Variants in AHI1 observed in about 807,000 individuals in gnomAD.
AHI1 encodes jouberin.
Under a neutral mutation model 149.3 loss-of-function variants are expected in AHI1, and 123 were observed. The ratio of observed to expected loss-of-function variants is 0.82; its 90% CI spans 0.71 to 0.96. AHI1 has a LOEUF of 0.96. AHI1 is among the 40% of genes least tolerant of loss of function. The pLI, the probability that AHI1 is intolerant of heterozygous loss-of-function variation, is 0.00. For missense variants in AHI1, 1,439 were observed against 1,422.7 expected, an observed-to-expected ratio of 1.01 and a Z score of -0.18; for synonymous variants, 475 against 459.8, an observed-to-expected ratio of 1.03 and a Z score of -0.42.
At chr6:135,465,245 T>C (rs1790554308) in intron 7 of AHI1, among the ~76,000 whole-genome samples, 1 of 152,148 alleles carries the variant, frequency 6.6e-6, no homozygotes, top group African/African-American at 2.4e-5. Context: ...TTTCTCCAAA[T>C]AGAAAACATA....
intron 26 of AHI1, chr6:135,300,934 T>C (rs1783798131): frequency 3.0e-6 from 3 of 993,180 alleles, no homozygotes; most frequent in Non-Finnish European, 3.6e-6. Flanking sequence ...TCATATTCTT[T>C]ATAGTATACT....
Position 135,429,886 on chromosome 6 carries a change from G to A in AHI1, c.2488C>T (p.Arg830Trp), listed in dbSNP as rs13312995. The change falls in exon 18 of 29, where the codon CGG becomes TGG. Residue 830 changes from arginine to tryptophan, a missense_variant. Arg to Trp is a moderately radical substitution (Grantham distance 101, BLOSUM62 -3). Transcript: ENST00000265602. ...KDSTLRIMDL[R>W]ILVARKFVGA... ...TCAACACTGAAATATACTTACATCC[G>A]GAGATCCATAATTCTCAAAGTACTG... The A allele has an allele frequency of 0.024, 36,280 of 1,524,050 alleles. 484 individuals are homozygous for A. The highest frequency in any genetic ancestry group is 0.036 in the Middle Eastern group (214 of 5,878). 94.4% of individuals were successfully genotyped at this position (1,524,050 alleles called of 1,614,324 possible).
intron 23 of AHI1, chr6:135,394,526 C>T (rs959185183): frequency 1.4e-5 from 6 of 440,188 alleles, no homozygotes; most frequent in Admixed American, 1.1e-4. Flanking sequence ...TTAAAACTCA[C>T]GTGTTTTGCT....
In AHI1 at chr6:135,433,226, A is replaced by G. The variant is rs775385442; in HGVS notation, c.2067T>C (p.Asn689=). 1.9e-6 allele frequency: 3 copies of G among 1,609,764 alleles called. No homozygotes were observed. The East Asian group carries it at 6.7e-5, about 36-fold the overall frequency. The change falls in exon 16 of 29, where the codon AAT becomes AAC. Residue 689 remains asparagine, a synonymous_variant. Coordinates refer to ENST00000265602, the MANE Select transcript of AHI1 (RefSeq NM_001134831.2). ...AAGGATGAGGTAAAACTCTGAAAGTATTTGTATTGTTTATTTCATTTTTCC... is the reference window on the plus strand; with the variant it reads ...AAGGATGAGGTAAAACTCTGAAAGTGTTTGTATTGTTTATTTCATTTTTCC... ...RIWKNEINNT[N]TFRVLPHPSF...
intron 23 of AHI1, among the ~76,000 whole-genome samples, chr6:135,359,793 T>C (rs1041870211): frequency 6.6e-6 from 1 of 152,118 alleles, no homozygotes; most frequent in Non-Finnish European, 1.5e-5. Context: ...AATTCTTATC[T>C]AAACAGAAAG....
chr6:135,432,037 C>T (rs1431831500), intron 16 of AHI1, among the ~76,000 whole-genome samples: 1 of 148,528 alleles, frequency 6.7e-6, no homozygotes, highest in Admixed American at 6.7e-5. Flanking sequence ...TATCGTATGG[C>T]CAAATAGTTG....
At chr6:135,321,618 T>C (rs2064430) in intron 25 of AHI1, among the ~76,000 whole-genome samples, 82,199 of 151,952 alleles carry the variant, frequency 0.54, 22,326 homozygotes, top group Middle Eastern at 0.64. Flanking sequence ...TCTTTGGCTG[T>C]CAAAATTGAA....
intron 25 of AHI1, among the ~76,000 whole-genome samples, chr6:135,322,395 G>A (rs964425894): frequency 1.1e-4 from 16 of 151,984 alleles, no homozygotes; most frequent in Non-Finnish European, 2.4e-4. Context: ...GGCTCTCTGC[G>A]TTCGTTCTGT....
intron 23 of AHI1, among the ~76,000 whole-genome samples, chr6:135,379,681 A>G (rs541929951): frequency 6.6e-6 from 1 of 152,230 alleles, no homozygotes; most frequent in East Asian, 1.9e-4. Context: ...CATTCCTACA[A>G]GGTTCTGTAC....
chr6:135,432,341 T>C (rs529751946), intron 16 of AHI1, among the ~76,000 whole-genome samples: 1 of 152,322 alleles, frequency 6.6e-6, no homozygotes, highest in South Asian at 2.1e-4. Context: ...GTTTTACATC[T>C]TTAAAACATA....
At chr6:135,332,042 A>G (rs1169443565) in intron 24 of AHI1, among the ~76,000 whole-genome samples, 1 of 148,700 alleles carries the variant, frequency 6.7e-6, no homozygotes, top group African/African-American at 2.5e-5. Flanking sequence ...CTGGCATGCC[A>G]TTACTTGATA....
chr6:135,389,540 A>G (rs1778159621), intron 23 of AHI1, among the ~76,000 whole-genome samples: 1 of 152,164 alleles, frequency 6.6e-6, no homozygotes, highest in Non-Finnish European at 1.5e-5. Flanking sequence ...GAGAACACAA[A>G]TAAAATTTGG....
intron 22 of AHI1, among the ~76,000 whole-genome samples, chr6:135,404,601 C>T (rs1372897186): frequency 3.3e-5 from 5 of 152,208 alleles, no homozygotes; most frequent in Non-Finnish European, 1.5e-5. Context: ...ATACAGTTTA[C>T]TCAGCATATA....
At chr6:135,347,597 C>G (rs1464269040) in intron 24 of AHI1, among the ~76,000 whole-genome samples, 1 of 152,090 alleles carries the variant, frequency 6.6e-6, no homozygotes. Context: ...TTATGACATT[C>G]AAGTGAGATT....
intron 11 of AHI1, among the ~76,000 whole-genome samples, chr6:135,452,297 T>C (rs1788247132): frequency 6.6e-6 from 1 of 152,202 alleles, no homozygotes; most frequent in Admixed American, 6.5e-5. Context: ...ACTCAAGACT[T>C]TTCATAATTT....
At chr6:135,325,704 T>C (rs1271521635) in intron 24 of AHI1, among the ~76,000 whole-genome samples, 2 of 152,218 alleles carry the variant, frequency 1.3e-5, no homozygotes, top group African/African-American at 4.8e-5. Flanking sequence ...CTTCCCCTAG[T>C]TCCAGGAAAC....
intron 23 of AHI1, among the ~76,000 whole-genome samples, chr6:135,384,547 G>T (rs1373998450): frequency 6.6e-6 from 1 of 152,166 alleles, no homozygotes; most frequent in Non-Finnish European, 1.5e-5. Context: ...GACACTTCTA[G>T]AGTCCCTATT....
intron 23 of AHI1, among the ~76,000 whole-genome samples, chr6:135,373,548 T>A (rs1401431762): frequency 6.6e-6 from 1 of 152,268 alleles, no homozygotes; most frequent in Non-Finnish European, 1.5e-5. Context: ...AAAGAAATTT[T>A]ATGTTTCTTG....
chr6:135,424,623 G>A (rs1783681346), intron 20 of AHI1, among the ~76,000 whole-genome samples: 1 of 151,974 alleles, frequency 6.6e-6, no homozygotes, highest in Non-Finnish European at 1.5e-5. Flanking sequence ...CAAAAAGTCA[G>A]TAGAATGAAA....
Sources: gnomAD v4.1 joint callset for allele counts (sites outside exome capture counted in the v4.1 genomes callset) on GRCh38, gnomAD v4.1.1 for gene constraint, MANE v1.5 for transcripts, NCBI Gene and HGNC (gene_info 2026-07-23, HGNC 2026-07-21) for gene names.